The following IKBKB-DT variants were observed in gnomAD, a reference collection of about 807,000 sequenced individuals.
IKBKB-DT encodes the protein IKBKB antisense RNA.
At chr8:42,267,149 C>T (rs558731125) in intron 1 of IKBKB-DT, among the ~76,000 whole-genome samples, 1 of 151,942 alleles carries the variant, frequency 6.6e-6, no homozygotes, top group African/African-American at 2.4e-5. Context: ...GGACTACAGG[C>T]GCCCGCCACC....
chr8:42,245,603 G>A (rs1387265624), intron 3 of IKBKB-DT, among the ~76,000 whole-genome samples: 1 of 152,188 alleles, frequency 6.6e-6, no homozygotes, highest in Non-Finnish European at 1.5e-5. Flanking sequence ...GATAAAGGAA[G>A]AGTGAAATCC....
intron 3 of IKBKB-DT, among the ~76,000 whole-genome samples, chr8:42,262,877 T>C (rs773363004): frequency 8.5e-5 from 13 of 152,152 alleles, no homozygotes; most frequent in Admixed American, 4.6e-4. Context: ...TAGCTGGGAC[T>C]ACAGGCGAAC....
chr8:42,247,579 C>A (rs572041950), intron 3 of IKBKB-DT, among the ~76,000 whole-genome samples: 1 of 152,006 alleles, frequency 6.6e-6, no homozygotes, highest in South Asian at 2.1e-4. Context: ...TGGGAGGGGC[C>A]GGAGCAGAAT....
intron 3 of IKBKB-DT, among the ~76,000 whole-genome samples, chr8:42,242,086 G>A (rs58086539): frequency 0.025 from 3,853 of 152,092 alleles, 143 homozygotes; most frequent in African/African-American, 0.081. Flanking sequence ...ATGTTGGTGC[G>A]CGCCTGTAAT....
chr8:42,246,562 G>T (rs1255057419), intron 3 of IKBKB-DT, among the ~76,000 whole-genome samples: 2 of 152,136 alleles, frequency 1.3e-5, no homozygotes, highest in African/African-American at 4.8e-5. Context: ...GCACAGTCAG[G>T]CATCAAGTGA....
chr8:42,241,223 T>A (rs921082691), intron 3 of IKBKB-DT, among the ~76,000 whole-genome samples: 1 of 121,948 alleles, frequency 8.2e-6, no homozygotes, highest in African/African-American at 3.3e-5. Context: ...TATGTTGGAA[T>A]CTTTTTTTTT....
chr8:42,254,654 C>A (rs780273805), intron 3 of IKBKB-DT, among the ~76,000 whole-genome samples: 6 of 150,490 alleles, frequency 4.0e-5, no homozygotes, highest in Non-Finnish European at 3.0e-5. Context: ...CTCTGCCCGG[C>A]CAGCCTGTCT....
intron 3 of IKBKB-DT, among the ~76,000 whole-genome samples, chr8:42,251,825 T>A (rs1209123780): frequency 8.2e-6 from 1 of 121,404 alleles, no homozygotes; most frequent in Non-Finnish European, 1.5e-5. Context: ...CAAGACTCCA[T>A]CTCAAAAAAA....
chr8:42,268,173 C>T (rs1423762924), intron 1 of IKBKB-DT, among the ~76,000 whole-genome samples: 3 of 142,464 alleles, frequency 2.1e-5, no homozygotes, highest in East Asian at 2.0e-4. Context: ...TTGCTCTTGT[C>T]GCCCAGGCTG....
In IKBKB-DT at chr8:42,248,869, C is replaced by CAAA. The variant is rs1326485245; in HGVS notation, n.1529+14457_1529+14459dup. ...TCCAGCCTGGCAACAGAGGCTCTACCAAAAAAAAAAAAAAAAACAAATATC... is the reference window on the plus strand; with the variant it reads ...TCCAGCCTGGCAACAGAGGCTCTACCAAAAAAAAAAAAAAAAAAAACAAATATC... On this transcript the variant is annotated intron_variant and non_coding_transcript_variant, in intron 3 of 3. Transcript: ENST00000518213. 1.5e-3 allele frequency among the ~76,000 whole-genome samples: 99 copies of CAAA among 68,004 alleles called. 1 individual carries two copies. Among genetic ancestry groups the CAAA allele is most frequent in the African/African-American group, 4.2e-3 (90 of 21,504 alleles). 44.6% of individuals were successfully genotyped at this position (68,004 alleles called of 152,430 possible).
intron 3 of IKBKB-DT, among the ~76,000 whole-genome samples, chr8:42,245,613 C>T (rs1158567887): frequency 1.3e-5 from 2 of 152,194 alleles, no homozygotes; most frequent in Non-Finnish European, 2.9e-5. Flanking sequence ...GAGTGAAATC[C>T]TGTCTCGAGG....
intron 3 of IKBKB-DT, among the ~76,000 whole-genome samples, chr8:42,240,223 GTT>G (rs61546766): frequency 1.4e-5 from 2 of 140,292 alleles, no homozygotes; most frequent in Non-Finnish European, 1.6e-5. Context: ...GCCAAATGCT[GTT>G]TTTTTTTTTT....
chr8:42,254,004 G>A (rs936430064), intron 3 of IKBKB-DT, among the ~76,000 whole-genome samples: 4 of 152,332 alleles, frequency 2.6e-5, no homozygotes, highest in Admixed American at 6.5e-5. Context: ...TGCTTTCTTG[G>A]ACCAGTATAA....
chr8:42,235,999 G>T (rs1806917358), intron 3 of IKBKB-DT, among the ~76,000 whole-genome samples: 1 of 152,102 alleles, frequency 6.6e-6, no homozygotes, highest in Non-Finnish European at 1.5e-5. Flanking sequence ...CTGCCCTCCA[G>T]CCTGGTGACA....
intron 3 of IKBKB-DT, among the ~76,000 whole-genome samples, chr8:42,248,311 T>C (rs1255489361): frequency 1.3e-5 from 2 of 152,126 alleles, no homozygotes; most frequent in Non-Finnish European, 2.9e-5. Context: ...GCCTGATTCC[T>C]AACAGGCCAC....
chr8:42,249,923 A>T (rs1379307408), intron 3 of IKBKB-DT, among the ~76,000 whole-genome samples: 2 of 152,030 alleles, frequency 1.3e-5, no homozygotes, highest in African/African-American at 4.8e-5. Flanking sequence ...CTAAAAATAA[A>T]AAAAAAAAAT....
At chr8:42,270,866 T>C (rs1467043893) in exon 1 of IKBKB-DT, 1 of 159,508 alleles carries the variant, frequency 6.3e-6, no homozygotes, top group Non-Finnish European at 1.4e-5. Flanking sequence ...GAGTCAGCTG[T>C]GATTGATCCT....
intron 3 of IKBKB-DT, among the ~76,000 whole-genome samples, chr8:42,243,905 A>G (rs1807032934): frequency 6.6e-6 from 1 of 152,192 alleles, no homozygotes; most frequent in Admixed American, 6.5e-5. Context: ...AAATTAGAAT[A>G]TAGGTAGAAA....
chr8:42,237,613 A>C (rs1806941429), intron 3 of IKBKB-DT, among the ~76,000 whole-genome samples: 1 of 151,998 alleles, frequency 6.6e-6, no homozygotes, highest in Non-Finnish European at 1.5e-5. Flanking sequence ...CGAAGAAAAA[A>C]TTCTGGACTG....
Sources: allele counts gnomAD v4.1 joint callset (sites outside exome capture counted in the v4.1 genomes callset), GRCh38; gene constraint gnomAD v4.1.1; transcripts MANE v1.5; gene names NCBI Gene and HGNC (gene_info 2026-07-23, HGNC 2026-07-21).